Variants in AKT3 observed in about 807,000 individuals in gnomAD.
AKT3 encodes the protein AKT serine/threonine kinase 3.
In AKT3, 15 loss-of-function variants were observed where a neutral mutation model predicts 65.3. The observed-to-expected ratio is 0.23, with a 90% CI of 0.15 to 0.35. The LOEUF (loss-of-function observed/expected upper bound fraction) is 0.35. Ranked by LOEUF, AKT3 falls within the 10% of genes least tolerant of loss-of-function variation. The probability of loss-of-function intolerance (pLI) is 1.00; values close to 1 mark genes in which losing one functional copy is unlikely to be tolerated. For synonymous variants in AKT3, 206 were observed against 183.8 expected (o/e 1.12, Z -0.98); for missense variants, 243 against 576.5 (o/e 0.42, Z 5.92).
chr1:243,810,500 C>T (rs1693064279), intron 2 of AKT3, among the ~76,000 whole-genome samples: 1 of 152,140 alleles, frequency 6.6e-6, no homozygotes, highest in African/African-American at 2.4e-5. Flanking sequence ...TCTGAAAGGA[C>T]CAATAACAGG....
At chr1:243,801,319 A>T (rs1336682273) in intron 2 of AKT3, among the ~76,000 whole-genome samples, 1 of 152,236 alleles carries the variant, frequency 6.6e-6, no homozygotes, top group Non-Finnish European at 1.5e-5. Flanking sequence ...TTAAAAGAAA[A>T]AAAGATAATT....
intron 3 of AKT3, among the ~76,000 whole-genome samples, chr1:243,679,180 C>T (rs1250907424): frequency 6.6e-6 from 1 of 152,112 alleles, no homozygotes; most frequent in Non-Finnish European, 1.5e-5. Context: ...ATGTAATACA[C>T]AAAATATGTA....
At chr1:243,739,292 A>T (rs1424428047) in intron 2 of AKT3, among the ~76,000 whole-genome samples, 1 of 152,182 alleles carries the variant, frequency 6.6e-6, no homozygotes, top group Non-Finnish European at 1.5e-5. Context: ...CCATAGAAAA[A>T]ATTGAGATAT....
intron 2 of AKT3, among the ~76,000 whole-genome samples, chr1:243,796,162 G>GT (rs1691991518): frequency 6.6e-6 from 1 of 152,178 alleles, no homozygotes; most frequent in Non-Finnish European, 1.5e-5. Context: ...ATTTGAAAGA[G>GT]GTATAGCAGC....
chr1:243,800,495 G>T (rs759369616), intron 2 of AKT3, among the ~76,000 whole-genome samples: 1 of 152,242 alleles, frequency 6.6e-6, no homozygotes, highest in Admixed American at 6.5e-5. Flanking sequence ...CAAGGTGGGC[G>T]GATCACGAGG....
chr1:243,707,872 T>G (rs1442129851), intron 2 of AKT3, among the ~76,000 whole-genome samples: 6 of 152,098 alleles, frequency 3.9e-5, no homozygotes, highest in African/African-American at 1.4e-4. Flanking sequence ...TCTAGTATAT[T>G]TATACATAGC....
At chr1:243,849,619 G>T (rs1439932825) in intron 1 of AKT3, among the ~76,000 whole-genome samples, 1 of 151,248 alleles carries the variant, frequency 6.6e-6, no homozygotes, top group Non-Finnish European at 1.5e-5. Context: ...CGGTCCAGGC[G>T]GGCGCCCCCT....
At chr1:243,505,941 G>A (rs1669638831) in intron 13 of AKT3, among the ~76,000 whole-genome samples, 1 of 152,244 alleles carries the variant, frequency 6.6e-6, no homozygotes, top group Admixed American at 6.5e-5. Context: ...AGGAAACAAT[G>A]GAAGAGACTT....
At chr1:243,700,164 C>T (rs1273107913) in intron 2 of AKT3, among the ~76,000 whole-genome samples, 8 of 152,178 alleles carry the variant, frequency 5.3e-5, no homozygotes, top group Non-Finnish European at 8.8e-5. Context: ...CTAAAAACTA[C>T]TACTTACTCA....
chr1:243,517,665 A>G (rs1670452877), intron 12 of AKT3, among the ~76,000 whole-genome samples: 1 of 152,198 alleles, frequency 6.6e-6, no homozygotes, highest in African/African-American at 2.4e-5. Context: ...TTTCTGTTCT[A>G]TTAATTTTAA....
At chr1:243,636,295 T>TG (rs1243500517) in intron 6 of AKT3, among the ~76,000 whole-genome samples, 1 of 152,102 alleles carries the variant, frequency 6.6e-6, no homozygotes, top group Non-Finnish European at 1.5e-5. Flanking sequence ...ACTGATGGCA[T>TG]GTACTATTAT....
intron 1 of AKT3, among the ~76,000 whole-genome samples, chr1:243,849,198 A>G (rs1452603676): frequency 3.9e-5 from 6 of 152,300 alleles, no homozygotes; most frequent in Middle Eastern, 6.8e-3. Context: ...GGAGGTGGAC[A>G]AGGAAGAGGC....
intron 3 of AKT3, among the ~76,000 whole-genome samples, chr1:243,682,011 G>A (rs1023636948): frequency 1.1e-4 from 16 of 151,674 alleles, no homozygotes; most frequent in Non-Finnish European, 1.8e-4. Context: ...AATATAATGG[G>A]CAAACAATCA....
At chr1:243,686,630 CATATATATATAT>C (rs1553433261) in intron 3 of AKT3, among the ~76,000 whole-genome samples, 1 of 18,854 alleles carries the variant, frequency 5.3e-5, no homozygotes, top group Non-Finnish European at 1.0e-4. Flanking sequence ...AAATTGTTTT[CATATATATATAT>C]ATATATATAT....
At chr1:243,641,711 G>T (rs1414523685) in intron 5 of AKT3, among the ~76,000 whole-genome samples, 1 of 152,070 alleles carries the variant, frequency 6.6e-6, no homozygotes, top group Non-Finnish European at 1.5e-5. Flanking sequence ...AAGGCAGGTG[G>T]ATCACTTGAG....
At chr1:243,679,873 AC>A (rs2147970886) in intron 3 of AKT3, among the ~76,000 whole-genome samples, 1 of 152,332 alleles carries the variant, frequency 6.6e-6, no homozygotes, top group East Asian at 1.9e-4. Context: ...TATGAGGCAA[AC>A]AGTAAATCTG....
At chr1:243,665,882 C>T (rs987592260) in intron 3 of AKT3, among the ~76,000 whole-genome samples, 3 of 152,094 alleles carry the variant, frequency 2.0e-5, no homozygotes, top group African/African-American at 7.2e-5. Context: ...AATTTATCTC[C>T]GTTGAAAACT....
Position 243,695,627 on chromosome 1 carries a change from C to A in AKT3, c.136G>T (p.Asp46Tyr). ...AAGTTGTTGAGGGGATAAGGTAAAT[C>A]CACATCTTGAGGTTTCTCTTTATAT... Reference protein sequence around the residue: ...IGYKEKPQDVDLPYPLNNFSV... With the variant: ...IGYKEKPQDVYLPYPLNNFSV... Residue 46 changes from aspartate (D) to tyrosine (Y), a missense_variant, in exon 3 of 14, where the codon GAT becomes TAT. Asp to Tyr is a radical substitution (Grantham distance 160). Coordinates refer to ENST00000673466, the MANE Select transcript of AKT3 (RefSeq NM_005465.7). 1 of 1,606,618 alleles carries A rather than the reference C, an allele frequency of 6.2e-7. No homozygotes were observed. Among genetic ancestry groups the A allele is most frequent in the Non-Finnish European group, 8.5e-7 (1 of 1,175,646 alleles).
chr1:243,592,531 A>C (rs984985969), intron 8 of AKT3, among the ~76,000 whole-genome samples: 1 of 152,220 alleles, frequency 6.6e-6, no homozygotes, highest in African/African-American at 2.4e-5. Flanking sequence ...AAACTGTATA[A>C]GCCAGAAGAA....
Sources: allele counts gnomAD v4.1 joint callset (sites outside exome capture counted in the v4.1 genomes callset), GRCh38; gene constraint gnomAD v4.1.1; transcripts MANE v1.5; gene names NCBI Gene and HGNC (gene_info 2026-07-23, HGNC 2026-07-21).